Variants in BFSP2 observed in about 807,000 individuals in gnomAD.
The protein encoded by BFSP2 is phakinin.
A neutral mutation model predicts 44.9 loss-of-function variants in BFSP2; 38 were observed. That is an observed-to-expected ratio of 0.85 (90% CI 0.65 to 1.11). The LOEUF is 1.11. Among genes scored for constraint, BFSP2 ranks in the 50% least tolerant of loss-of-function variants. BFSP2 has a pLI of 0.00. For synonymous variants in BFSP2, 197 were observed against 209.9 expected, an observed-to-expected ratio of 0.94 and a Z score of 0.53; for missense variants, 525 against 533.0, an observed-to-expected ratio of 0.99 and a Z score of 0.15.
chr3:133,471,784 A>T (rs1186455277), intron 5 of BFSP2, among the ~76,000 whole-genome samples: 2 of 152,124 alleles, frequency 1.3e-5, no homozygotes, highest in Admixed American at 6.5e-5. Flanking sequence ...GTGCTACTAA[A>T]ACACCAAAGG....
intron 1 of BFSP2, among the ~76,000 whole-genome samples, chr3:133,427,451 T>C (rs1420631230): frequency 6.6e-6 from 1 of 152,192 alleles, no homozygotes; most frequent in East Asian, 1.9e-4. Flanking sequence ...TGAACCTTGG[T>C]TTCCCAATCC....
At chr3:133,447,222 C>A in intron 1 of BFSP2, 95 bp from the exon 2 acceptor site, 1 of 1,269,652 alleles carries the variant, frequency 7.9e-7, no homozygotes, top group Non-Finnish European at 1.1e-6. Context: ...TCTCTGAGGT[C>A]CCCCAGAGCC....
chr3:133,463,799 T>C (rs2074085814), intron 4 of BFSP2, among the ~76,000 whole-genome samples: 1 of 152,166 alleles, frequency 6.6e-6, no homozygotes, highest in Non-Finnish European at 1.5e-5. Flanking sequence ...AACAACCACC[T>C]GACCATCACC....
intron 1 of BFSP2, among the ~76,000 whole-genome samples, chr3:133,434,737 TG>T (rs1238503687): frequency 1.4e-4 from 21 of 152,210 alleles, no homozygotes; most frequent in African/African-American, 5.1e-4. Flanking sequence ...GTCCTTTTCC[TG>T]GCTCATCCTG....
intron 4 of BFSP2, among the ~76,000 whole-genome samples, chr3:133,454,007 G>A (rs1490745424): frequency 6.6e-6 from 1 of 152,138 alleles, no homozygotes; most frequent in Non-Finnish European, 1.5e-5. Flanking sequence ...GATCAGATTG[G>A]TCCAGAGAAT....
chr3:133,463,713 T>A (rs1401797235), intron 4 of BFSP2, among the ~76,000 whole-genome samples: 1 of 152,170 alleles, frequency 6.6e-6, no homozygotes, highest in Non-Finnish European at 1.5e-5. Flanking sequence ...GATCACCAGT[T>A]TCAGGTTTTT....
intron 6 of BFSP2, among the ~76,000 whole-genome samples, chr3:133,473,077 G>A (rs2074181434): frequency 6.6e-6 from 1 of 151,908 alleles, no homozygotes; most frequent in Admixed American, 6.6e-5. Flanking sequence ...ACAGGTGTGA[G>A]CCGTGACACC....
At chr3:133,466,157 T>A in intron 4 of BFSP2, among the ~76,000 whole-genome samples, 1 of 124,390 alleles carries the variant, frequency 8.0e-6, no homozygotes, top group South Asian at 3.6e-4. Flanking sequence ...ATACTTTAAG[T>A]ACCAAAGCAC....
chr3:133,474,888 C>G, intron 6 of BFSP2, 81 bp from the exon 7 acceptor site: 1 of 1,548,776 alleles, frequency 6.5e-7, no homozygotes, highest in Non-Finnish European at 8.9e-7. Flanking sequence ...ATGAGATGGC[C>G]CCCTTTCTCG....
intron 1 of BFSP2, among the ~76,000 whole-genome samples, chr3:133,433,885 A>C (rs2073754429): frequency 1.3e-5 from 2 of 152,222 alleles, no homozygotes; most frequent in East Asian, 3.8e-4. Context: ...AGCCCATTTA[A>C]GCTCCCGTAT....
intron 1 of BFSP2, among the ~76,000 whole-genome samples, chr3:133,426,358 G>T (rs2073654373): frequency 6.6e-6 from 1 of 152,218 alleles, no homozygotes; most frequent in Non-Finnish European, 1.5e-5. Context: ...ATTGTAAGAG[G>T]AGTGCAGTGA....
intron 4 of BFSP2, among the ~76,000 whole-genome samples, chr3:133,452,082 A>G (rs2073970928): frequency 6.6e-6 from 1 of 152,224 alleles, no homozygotes; most frequent in Non-Finnish European, 1.5e-5. Flanking sequence ...CAGACCAACC[A>G]AATCAGACAG....
chr3:133,463,279 A>G (rs1259131853), intron 4 of BFSP2, among the ~76,000 whole-genome samples: 1 of 152,198 alleles, frequency 6.6e-6, no homozygotes, highest in Admixed American at 6.5e-5. Context: ...ATCGCACTCC[A>G]GCCTGGGGGA....
chr3:133,434,744 T>A (rs374012073), intron 1 of BFSP2, among the ~76,000 whole-genome samples: 17 of 152,308 alleles, frequency 1.1e-4, no homozygotes, highest in African/African-American at 4.1e-4. Context: ...TCCTGGCTCA[T>A]CCTGGCTCAA....
At chr3:133,437,550 C>A (rs1293511496) in intron 1 of BFSP2, among the ~76,000 whole-genome samples, 14 of 117,638 alleles carry the variant, frequency 1.2e-4, no homozygotes, top group East Asian at 2.3e-4. Flanking sequence ...AAACAAAAAC[C>A]AAAAAAATGA....
chr3:133,439,492 A>ATG (rs1253514852), intron 1 of BFSP2, among the ~76,000 whole-genome samples: 1 of 152,264 alleles, frequency 6.6e-6, no homozygotes, highest in Non-Finnish European at 1.5e-5. Context: ...TCAGAATAAC[A>ATG]TGCAGCATAA....
At chr3:133,461,680 T>C (rs1257096500) in intron 4 of BFSP2, among the ~76,000 whole-genome samples, 1 of 152,246 alleles carries the variant, frequency 6.6e-6, no homozygotes, top group Non-Finnish European at 1.5e-5. Flanking sequence ...GGTGAATTAC[T>C]TTTAGCAGTG....
chr3:133,448,442 T>C, intron 2 of BFSP2, 47 bp from the exon 3 acceptor site: 4 of 1,608,674 alleles, frequency 2.5e-6, no homozygotes, highest in Non-Finnish European at 3.4e-6. Context: ...CTGATTCTTT[T>C]TCTTTTGGGC....
chr3:133,473,775 G>T (rs927723583), intron 6 of BFSP2, among the ~76,000 whole-genome samples: 2 of 151,960 alleles, frequency 1.3e-5, no homozygotes, highest in Non-Finnish European at 2.9e-5. Flanking sequence ...AGGGTTGGGG[G>T]TAAGGTCACA....
Sources: allele counts gnomAD v4.1 joint callset (sites outside exome capture counted in the v4.1 genomes callset), GRCh38; gene constraint gnomAD v4.1.1; transcripts MANE v1.5; gene names NCBI Gene and HGNC (gene_info 2026-07-23, HGNC 2026-07-21).